ARL3: variants seen among roughly 807,000 people sequenced by gnomAD.
ARL3 encodes the protein ADP-ribosylation factor-like protein 3.
A neutral mutation model predicts 26.0 loss-of-function variants in ARL3; 9 were observed. The ratio of observed to expected loss-of-function variants is 0.35; its 90% CI spans 0.21 to 0.60. The LOEUF (loss-of-function observed/expected upper bound fraction) is 0.60, where lower values mean the gene tolerates loss of function less well. Ranked by LOEUF, ARL3 falls within the 20% of genes least tolerant of loss-of-function variation. The pLI is 0.78. For missense variants in ARL3, 158 were observed against 215.7 expected, an observed-to-expected ratio of 0.73 and a Z score of 1.67; for synonymous variants, 71 against 78.4, an observed-to-expected ratio of 0.91 and a Z score of 0.50.
chr10:102,697,843 A>G (rs866376661), intron 3 of ARL3, among the ~76,000 whole-genome samples: 6 of 152,328 alleles, frequency 3.9e-5, no homozygotes, highest in Middle Eastern at 3.4e-3. Flanking sequence ...AGCATGACCA[A>G]TGTTAAATGG....
At chr10:102,703,207 C>T (rs1054560628) in intron 2 of ARL3, among the ~76,000 whole-genome samples, 18 of 147,628 alleles carry the variant, frequency 1.2e-4, no homozygotes, top group South Asian at 8.7e-4. Context: ...CTGTAATCTC[C>T]GCCTCCCAAG....
intron 3 of ARL3, among the ~76,000 whole-genome samples, chr10:102,696,724 T>C (rs940308715): frequency 6.6e-6 from 1 of 152,182 alleles, no homozygotes; most frequent in Non-Finnish European, 1.5e-5. Context: ...GATGATTGCA[T>C]TGTTTCCGGA....
At position 102,673,892 on chromosome 10, in the gene ARL3, C is replaced by T. The variant is rs936211028; in HGVS notation, c.*3002G>A. 6 of 152,352 alleles carry T rather than the reference C, an allele frequency of 3.9e-5. No individual in the cohort carries two copies. Among genetic ancestry groups the T allele is most frequent in the African/African-American group, 1.5e-4 (6 of 41,364 alleles). 9.4% of individuals were successfully genotyped at this position (152,352 alleles called of 1,614,324 possible). ...GATGGATCAGACTGAACCCTGAAAC[C>T]ACATGGAGTGCAGAGCTAAAAATAA... On this transcript the variant is annotated 3_prime_UTR_variant, in exon 6 of 6. Coordinates refer to ENST00000260746, the MANE Select transcript of ARL3 (RefSeq NM_004311.4).
At chr10:102,686,450 A>G (rs2064186152) in intron 4 of ARL3, among the ~76,000 whole-genome samples, 1 of 146,568 alleles carries the variant, frequency 6.8e-6, no homozygotes, top group South Asian at 2.1e-4. Context: ...TGATTCTCAA[A>G]CTTTTTTTTT....
At chr10:102,686,124 T>C (rs2064183932) in intron 4 of ARL3, 123 bp from the exon 5 acceptor site, 1 of 787,690 alleles carries the variant, frequency 1.3e-6, no homozygotes, top group East Asian at 2.8e-5. Context: ...CAGGCTGGAG[T>C]GCAATGGCGT....
At position 102,703,425 on chromosome 10, in the gene ARL3, C is replaced by CTTTTTTT. The variant is rs57721161; in HGVS notation, c.147+1914_147+1920dup. 7.0e-4 allele frequency among the ~76,000 whole-genome samples: 34 copies of CTTTTTTT among 48,482 alleles called. 8 individuals are homozygous for CTTTTTTT. Among genetic ancestry groups the CTTTTTTT allele is most frequent in the Non-Finnish European group, 1.1e-3 (28 of 26,538 alleles). The allele number at this position is 48,482 out of a possible 152,430, so 31.8% of individuals were successfully genotyped here. A position where few individuals can be genotyped will look rare whatever the true frequency, so the allele number is the denominator to read the frequency against. ...ATGAGCCATGGTGCCCAGGACTTGTCTTTTTTTTTTTTTTTTTTTTTTTTT... is the reference window on the plus strand; with the variant it reads ...ATGAGCCATGGTGCCCAGGACTTGTCTTTTTTTTTTTTTTTTTTTTTTTTTTTTTTTT... On this transcript the variant is annotated intron_variant, in intron 2 of 5. Transcript: ENST00000260746.
At chr10:102,698,205 T>G (rs2136004688) in intron 3 of ARL3, among the ~76,000 whole-genome samples, 1 of 152,194 alleles carries the variant, frequency 6.6e-6, no homozygotes, top group South Asian at 2.1e-4. Flanking sequence ...GATTTCTTTT[T>G]TTTTTTCTTG....
chr10:102,680,794 C>A (rs1036127667), intron 5 of ARL3, among the ~76,000 whole-genome samples: 1 of 152,130 alleles, frequency 6.6e-6, no homozygotes, highest in African/African-American at 2.4e-5. Context: ...GGTGCTCGGA[C>A]CCTTGCTGAG....
chr10:102,674,709 G>A lies in ARL3; in HGVS notation c.*2185C>T, dbSNP rs1046809633. On this transcript the variant is annotated 3_prime_UTR_variant, in exon 6 of 6. Coordinates refer to ENST00000260746, the MANE Select transcript of ARL3 (RefSeq NM_004311.4). ...AGCTTTCAAACTCTGCCTTTTTCAG[G>A]CTTCTCTCATCTACCCCAGAGCCCC... 6.6e-6 allele frequency: 1 copy of A among 152,126 alleles called. No individual in the cohort carries two copies. Among genetic ancestry groups the A allele is most frequent in the East Asian group, 1.9e-4 (1 of 5,188 alleles). 9.4% of individuals were successfully genotyped at this position (152,126 alleles called of 1,614,324 possible).
chr10:102,702,020 CA>C (rs34993485), intron 2 of ARL3, among the ~76,000 whole-genome samples: 32,960 of 117,498 alleles, frequency 0.28, 4,165 homozygotes, highest in Middle Eastern at 0.32. Context: ...CCATCTCTAC[CA>C]AAAAAAAAAA....
At chr10:102,697,064 G>A (rs1186573072) in intron 3 of ARL3, among the ~76,000 whole-genome samples, 2 of 152,098 alleles carry the variant, frequency 1.3e-5, no homozygotes, top group East Asian at 1.9e-4. Context: ...TTACTGTATC[G>A]AATACTGCAG....
intron 3 of ARL3, among the ~76,000 whole-genome samples, chr10:102,695,590 T>A (rs1234985817): frequency 6.6e-6 from 1 of 151,880 alleles, no homozygotes; most frequent in Non-Finnish European, 1.5e-5. Context: ...TGGAATGCAA[T>A]GCCATGATCT....
chr10:102,695,428 A>G (rs1430179931), intron 3 of ARL3, among the ~76,000 whole-genome samples: 1 of 152,242 alleles, frequency 6.6e-6, no homozygotes, highest in Non-Finnish European at 1.5e-5. Context: ...CACTGCTGAT[A>G]TAAAGGAAAG....
Position 102,676,892 on chromosome 10 carries a change from T to C in ARL3, c.*2A>G. On this transcript the variant is annotated 3_prime_UTR_variant, in exon 6 of 6. Coordinates refer to ENST00000260746, the MANE Select transcript of ARL3 (RefSeq NM_004311.4). ...GCTCCTGCATCTCCATTCGTCTAGATTTTATTTCTTCTTTGCATTGACATT... is the reference window on the plus strand; with the variant it reads ...GCTCCTGCATCTCCATTCGTCTAGACTTTATTTCTTCTTTGCATTGACATT... 2 of 1,614,106 alleles carry C rather than the reference T, an allele frequency of 1.2e-6. No individual in the cohort carries two copies. Among genetic ancestry groups the C allele is most frequent in the Non-Finnish European group, 1.7e-6 (2 of 1,179,956 alleles).
At chr10:102,704,000 A>G (rs985776325) in intron 2 of ARL3, among the ~76,000 whole-genome samples, 2 of 151,512 alleles carry the variant, frequency 1.3e-5, no homozygotes, top group African/African-American at 4.8e-5. Flanking sequence ...AAATACAACA[A>G]ATTAGCCAGG....
chr10:102,709,475 C>T lies in ARL3; in HGVS notation c.4-3986G>A, dbSNP rs576521252. Among the ~76,000 whole-genome samples the T allele has an allele frequency of 1.7e-3, 80 of 47,698 alleles. 1 individual carries two copies. The highest frequency in any genetic ancestry group is 5.1e-3 in the African/African-American group (79 of 15,412). 31.3% of individuals were successfully genotyped at this position (47,698 alleles called of 152,430 possible). A position where few individuals can be genotyped will look rare whatever the true frequency, so the allele number is the denominator to read the frequency against. On this transcript the variant is annotated intron_variant, in intron 1 of 5. Coordinates refer to ENST00000260746, the MANE Select transcript of ARL3 (RefSeq NM_004311.4). ...GGCAACAAACACGAGACACATATCC[C>T]TACCAAAAAAAAAAAAAAAAAATTA...
intron 1 of ARL3, 141 bp downstream of exon 1, chr10:102,714,132 G>T (rs969647835): frequency 2.1e-5 from 23 of 1,103,022 alleles, no homozygotes; most frequent in Non-Finnish European, 2.8e-5. Context: ...GCCGACCCCC[G>T]AAATCAGTCC....
intron 5 of ARL3, among the ~76,000 whole-genome samples, chr10:102,681,365 C>T (rs2064155308): frequency 7.1e-6 from 1 of 141,634 alleles, no homozygotes; most frequent in African/African-American, 2.6e-5. Flanking sequence ...GCATTCCAGC[C>T]TGGGCAAGAA....
intron 1 of ARL3, 53 bp from the exon 2 acceptor site, chr10:102,705,542 T>C (rs1392941946): frequency 2.1e-6 from 3 of 1,455,314 alleles, no homozygotes; most frequent in Non-Finnish European, 1.8e-6. Flanking sequence ...ACTGTGATAT[T>C]AACTGGATAT....
Sources: allele counts gnomAD v4.1 joint callset (sites outside exome capture counted in the v4.1 genomes callset), GRCh38; gene constraint gnomAD v4.1.1; transcripts MANE v1.5; gene names NCBI Gene and HGNC (gene_info 2026-07-23, HGNC 2026-07-21).